RABGAP1L: variants seen among roughly 807,000 people sequenced by gnomAD.
RABGAP1L encodes the protein RAB GTPase activating protein 1 like.
RABGAP1L carries 63 observed loss-of-function variants against 137.7 expected under a neutral mutation model. The ratio of observed to expected loss-of-function variants is 0.46; its 90% CI spans 0.37 to 0.56. RABGAP1L has a LOEUF of 0.56. RABGAP1L is among the 20% of genes least tolerant of loss of function. The pLI is 0.00. For synonymous variants in RABGAP1L, 431 were observed against 433.7 expected, an observed-to-expected ratio of 0.99 and a Z score of 0.08; for missense variants, 1,095 against 1,244.0, an observed-to-expected ratio of 0.88 and a Z score of 1.80.
intron 18 of RABGAP1L, among the ~76,000 whole-genome samples, chr1:174,772,567 C>CAAAA (rs60690186): frequency 5.5e-4 from 29 of 53,024 alleles, no homozygotes; most frequent in African/African-American, 1.2e-3. Context: ...GACTCCATCT[C>CAAAA]AAAAAAAAAA....
intron 9 of RABGAP1L, among the ~76,000 whole-genome samples, chr1:174,276,978 G>T (rs1313346827): frequency 7.4e-6 from 1 of 135,912 alleles, no homozygotes; most frequent in Non-Finnish European, 1.5e-5. Context: ...GAATATAATG[G>T]ATCAGTTTGT....
chr1:174,607,162 A>G (rs533572350), intron 13 of RABGAP1L, among the ~76,000 whole-genome samples: 1 of 152,310 alleles, frequency 6.6e-6, no homozygotes, highest in South Asian at 2.1e-4. Context: ...TGGGCATTTT[A>G]TATTTTAACT....
At chr1:174,343,876 C>A (rs1315928467) in intron 11 of RABGAP1L, among the ~76,000 whole-genome samples, 1 of 152,096 alleles carries the variant, frequency 6.6e-6, no homozygotes, top group Non-Finnish European at 1.5e-5. Context: ...AATAATCCAT[C>A]CTGTTTGAGG....
chr1:174,703,823 T>C (rs1208695304), intron 17 of RABGAP1L, among the ~76,000 whole-genome samples: 1 of 152,222 alleles, frequency 6.6e-6, no homozygotes, highest in Non-Finnish European at 1.5e-5. Flanking sequence ...TTTGCATTTC[T>C]TTGATAATTA....
intron 1 of RABGAP1L, among the ~76,000 whole-genome samples, chr1:174,175,567 C>T (rs545295500): frequency 1.4e-5 from 2 of 147,276 alleles, no homozygotes; most frequent in African/African-American, 2.5e-5. Context: ...TCAAGCAGTT[C>T]TCCTACCTCA....
intron 18 of RABGAP1L, among the ~76,000 whole-genome samples, chr1:174,781,681 A>G (rs1329287565): frequency 6.6e-6 from 1 of 152,084 alleles, no homozygotes; most frequent in Non-Finnish European, 1.5e-5. Flanking sequence ...GTTTTCTTCT[A>G]TGGTTTTTAT....
chr1:174,197,308 A>G (rs930595311), intron 1 of RABGAP1L, among the ~76,000 whole-genome samples: 1 of 152,278 alleles, frequency 6.6e-6, no homozygotes, highest in Non-Finnish European at 1.5e-5. Flanking sequence ...TTGAGTGTCA[A>G]ATAGTTAGGT....
intron 13 of RABGAP1L, among the ~76,000 whole-genome samples, chr1:174,395,838 TAA>T (rs59466961): frequency 2.2e-4 from 28 of 125,818 alleles, no homozygotes; most frequent in Admixed American, 4.9e-4. Context: ...ACCCTGTCTC[TAA>T]AAAAAAAAAA....
At chr1:174,882,841 T>C (rs1043258129) in intron 19 of RABGAP1L, among the ~76,000 whole-genome samples, 2 of 152,206 alleles carry the variant, frequency 1.3e-5, no homozygotes, top group African/African-American at 4.8e-5. Flanking sequence ...TTTTTTTTTT[T>C]TGGAGACAGA....
intron 13 of RABGAP1L, among the ~76,000 whole-genome samples, chr1:174,418,285 G>A (rs1479370490): frequency 6.6e-6 from 1 of 152,188 alleles, no homozygotes; most frequent in African/African-American, 2.4e-5. Context: ...CAATGAGGTA[G>A]TAGATATTAT....
chr1:174,852,547 CT>C (rs1333289067), intron 19 of RABGAP1L, among the ~76,000 whole-genome samples: 9 of 152,180 alleles, frequency 5.9e-5, no homozygotes, highest in Admixed American at 5.9e-4. Context: ...GGCATGGTGG[CT>C]CACACCTGTA....
intron 18 of RABGAP1L, chr1:174,756,825 G>A (rs1349789987): frequency 1.8e-6 from 1 of 563,956 alleles, no homozygotes; most frequent in Non-Finnish European, 3.4e-6. Context: ...ATGAGGGCTG[G>A]GGATTGAGGG....
At chr1:174,604,337 A>C (rs1478800868) in intron 13 of RABGAP1L, among the ~76,000 whole-genome samples, 1 of 152,162 alleles carries the variant, frequency 6.6e-6, no homozygotes, top group Non-Finnish European at 1.5e-5. Flanking sequence ...CTGAGTTCCA[A>C]AGCAAAGTCC....
Position 174,990,271 on chromosome 1 carries a change from G to A in RABGAP1L, c.*270G>A, listed in dbSNP as rs1671971174. Reference sequence around the variant, plus strand: ...CATTATTTTGTTTGCCTGATGTTTAGTTGGAAATAAGTAATTCAGAACTAA... The same window carrying A: ...CATTATTTTGTTTGCCTGATGTTTAATTGGAAATAAGTAATTCAGAACTAA... On this transcript the variant is annotated 3_prime_UTR_variant, in exon 26 of 26. Transcript: ENST00000681986. 2 of 308,414 alleles carry A rather than the reference G, an allele frequency of 6.5e-6. No homozygotes were observed. The highest frequency in any genetic ancestry group is 1.5e-4 in the South Asian group (1 of 6,894). The allele number at this position is 308,414 out of a possible 1,614,324, so 19.1% of individuals were successfully genotyped here.
intron 11 of RABGAP1L, among the ~76,000 whole-genome samples, chr1:174,331,920 T>C (rs185168528): frequency 6.7e-6 from 1 of 150,254 alleles, no homozygotes; most frequent in Non-Finnish European, 1.5e-5. Context: ...AGTGAGAACA[T>C]GCGGTGTTTG....
chr1:174,249,611 T>C lies in RABGAP1L; in HGVS notation c.718-864T>C, dbSNP rs117208128. ...ATATTTGAAAGATAGCTTTTTTTTT[T>C]TTTAAAGTAAAAGGAATTCCTTCTT... On this transcript the variant is annotated intron_variant, in intron 5 of 25. Transcript: ENST00000681986. Among the ~76,000 whole-genome samples the C allele has an allele frequency of 2.6e-5, 4 of 152,054 alleles. No individual in the cohort carries two copies. The East Asian group carries it at 7.7e-4, about 29-fold the overall frequency.
intron 13 of RABGAP1L, among the ~76,000 whole-genome samples, chr1:174,571,589 A>T (rs2179108): frequency 0.08 from 12,128 of 152,172 alleles, 689 homozygotes; most frequent in East Asian, 0.33. Flanking sequence ...AAAAATTTTT[A>T]AAATAAATTA....
chr1:174,241,794 A>T (rs1671849228), intron 5 of RABGAP1L, 137 bp downstream of exon 5: 1 of 804,256 alleles, frequency 1.2e-6, no homozygotes, highest in Non-Finnish European at 1.9e-6. Flanking sequence ...ATTTGTAATG[A>T]CATAGAACTG....
chr1:174,300,584 T>C lies in RABGAP1L; in HGVS notation c.1324-4402T>C, dbSNP rs1436988947. On this transcript the variant is annotated intron_variant, in intron 10 of 25. Coordinates refer to ENST00000681986, the MANE Select transcript of RABGAP1L (RefSeq NM_001366446.1). The stretch of plus-strand genomic sequence containing the variant: ...AGGGAACACGGTTTTGAAACTGAAG[T>C]TTGATTTTGGGAAGGCTGTTAAATG... 4.1e-5 allele frequency among the ~76,000 whole-genome samples: 6 copies of C among 147,620 alleles called. 1 individual carries two copies. The highest frequency in any genetic ancestry group is 4.0e-4 in the Admixed American group (6 of 14,898).
Sources: gnomAD v4.1 joint callset for allele counts (sites outside exome capture counted in the v4.1 genomes callset) on GRCh38, gnomAD v4.1.1 for gene constraint, MANE v1.5 for transcripts, NCBI Gene and HGNC (gene_info 2026-07-23, HGNC 2026-07-21) for gene names.